CTTN: variants seen among roughly 807,000 people sequenced by gnomAD.
The protein encoded by CTTN is cortactin, also known as src substrate cortactin.
In CTTN, 28 loss-of-function variants were observed where a neutral mutation model predicts 84.0. That is an observed-to-expected ratio of 0.33 (90% CI 0.25 to 0.46). The LOEUF (loss-of-function observed/expected upper bound fraction) is 0.46. Among genes scored for constraint, CTTN ranks in the 20% least tolerant of loss-of-function variants. The pLI is 1.00. For missense variants in CTTN, 641 were observed against 723.8 expected (o/e 0.89, Z 1.31); for synonymous variants, 301 against 288.8 (o/e 1.04, Z -0.43).
intron 2 of CTTN, among the ~76,000 whole-genome samples, chr11:70,405,606 G>A (rs1404524592): frequency 1.3e-5 from 2 of 152,188 alleles, no homozygotes; most frequent in Non-Finnish European, 2.9e-5. Flanking sequence ...CCTCCCTGAG[G>A]GGAAATCTGG....
Position 70,424,360 on chromosome 11 carries a change from G to A in CTTN, c.958-972G>A, listed in dbSNP as rs11236248. Among the ~76,000 whole-genome samples, 393 of 152,252 alleles carry A rather than the reference G, an allele frequency of 2.6e-3. 3 individuals are homozygous for A. Among genetic ancestry groups the A allele is most frequent in the African/African-American group, 8.7e-3 (363 of 41,538 alleles). ...CGGTGACCGCTGAGCTTGTGAGCAC[G>A]TGAGGAGGCAGTGTGTGGGTGTGGC... On this transcript the variant is annotated intron_variant, in intron 12 of 17. Coordinates refer to ENST00000301843, the MANE Select transcript of CTTN (RefSeq NM_005231.4).
chr11:70,405,644 G>A (rs2058033591), intron 2 of CTTN, among the ~76,000 whole-genome samples: 1 of 152,186 alleles, frequency 6.6e-6, no homozygotes, highest in Admixed American at 6.5e-5. Context: ...GAACATGGGT[G>A]GGGCCCCCAG....
At chr11:70,433,884 C>T (rs1201885233) in intron 17 of CTTN, among the ~76,000 whole-genome samples, 166 bp downstream of exon 17, 1 of 152,144 alleles carries the variant, frequency 6.6e-6, no homozygotes, top group Non-Finnish European at 1.5e-5. Context: ...CAAGAACTCC[C>T]ATGTTCCCTA....
At chr11:70,421,603 A>G in intron 11 of CTTN, 23 bp downstream of exon 11, 1 of 1,558,928 alleles carries the variant, frequency 6.4e-7, no homozygotes, top group Non-Finnish European at 8.8e-7. Context: ...CCAGCCTCCT[A>G]CCCTCCCCCC....
intron 13 of CTTN, among the ~76,000 whole-genome samples, chr11:70,426,468 G>A (rs757831983): frequency 6.6e-6 from 1 of 151,960 alleles, no homozygotes; most frequent in Non-Finnish European, 1.5e-5. Flanking sequence ...TTTTGAGACC[G>A]GGTCTTGCTG....
chr11:70,407,484 G>A, intron 3 of CTTN, 34 bp from the exon 4 acceptor site: 2 of 1,613,694 alleles, frequency 1.2e-6, no homozygotes, highest in Non-Finnish European at 1.7e-6. Context: ...TCACAATCCA[G>A]GCTGTGAGAT....
intron 11 of CTTN, 154 bp from the exon 12 acceptor site, chr11:70,422,786 T>C: frequency 1.4e-6 from 2 of 1,480,140 alleles, no homozygotes; most frequent in Non-Finnish European, 9.0e-7. Flanking sequence ...GAAGCAAAAC[T>C]TGCCTTGCAA....
intron 1 of CTTN, among the ~76,000 whole-genome samples, chr11:70,400,245 G>C (rs1338485241): frequency 6.6e-6 from 1 of 152,150 alleles, no homozygotes; most frequent in Non-Finnish European, 1.5e-5. Context: ...AAGGTGAGAG[G>C]ATCGTTTGAG....
At position 70,435,188 on chromosome 11, in the gene CTTN, C is replaced by T. The variant is rs763150116; in HGVS notation, c.*26C>T. 122 of 1,581,244 alleles carry T rather than the reference C, an allele frequency of 7.7e-5. No individual in the cohort carries two copies. The highest frequency in any genetic ancestry group is 9.3e-5 in the Non-Finnish European group (108 of 1,166,924). On this transcript the variant is annotated 3_prime_UTR_variant, in exon 18 of 18. Transcript: ENST00000301843. ...GGCCCCCAGCCCCCCCCCGGAGCTGCGCCCTGGATCCTCACACTACAGATC... is the reference window on the plus strand; with the variant it reads ...GGCCCCCAGCCCCCCCCCGGAGCTGTGCCCTGGATCCTCACACTACAGATC...
At chr11:70,422,679 C>CGCCCCTCCT (rs946683954) in intron 11 of CTTN, 324 of 1,425,034 alleles carry the variant, frequency 2.3e-4, no homozygotes, top group Non-Finnish European at 2.5e-4. Context: ...TGCTGCCCGC[C>CGCCCCTCCT]GCCCCTCCTG....
In CTTN at chr11:70,420,403, A is replaced by T; in HGVS notation, c.683A>T (p.Tyr228Phe). The change falls in exon 10 of 18, where the codon TAT becomes TTT. Residue 228 changes from tyrosine to phenylalanine, a missense_variant. By Grantham distance (22) the Tyr-to-Phe change is conservative (BLOSUM62 3). Around this residue, in one of 3 missense-constraint regions of CTTN, gnomAD observed 284 missense variants for 348.4 expected, o/e 0.82. Transcript: ENST00000301843. ...TGGCCTTTCATTGTGCATGTAGACT[A>T]TGTGAAAGGGTTTGGAGGAAAATTT... ...KTEKHESQKD[Y>F]VKGFGGKFGV... The T allele has an allele frequency of 6.2e-7, 1 of 1,610,712 alleles. No homozygotes were observed.
At chr11:70,414,492 C>T (rs34053053) in intron 5 of CTTN, 50 bp from the exon 6 acceptor site, 172,232 of 1,350,526 alleles carry the variant, frequency 0.13, 12,193 homozygotes, top group Admixed American at 0.21. Context: ...GGAAGTGAAG[C>T]GCCGCAGTGT....
intron 1 of CTTN, among the ~76,000 whole-genome samples, chr11:70,402,279 CAG>C (rs1431584766): frequency 3.3e-5 from 5 of 152,214 alleles, no homozygotes; most frequent in Non-Finnish European, 5.9e-5. Context: ...TGAGGATGGA[CAG>C]AGTCATTATC....
chr11:70,415,244 CG>C (rs1409703020), intron 6 of CTTN, among the ~76,000 whole-genome samples: 1 of 152,178 alleles, frequency 6.6e-6, no homozygotes, highest in African/African-American at 2.4e-5. Context: ...ACCTATCTCA[CG>C]GGTGTTTGCT....
Position 70,426,785 on chromosome 11 carries a change from A to G in CTTN, c.1027+1384A>G, listed in dbSNP as rs183052067. Reference sequence around the variant, plus strand: ...TTTGTTGTTGTTGCTATTTTTTAGTAGAGACGGGGTTTCACCGTGTTAGCC... The same window carrying G: ...TTTGTTGTTGTTGCTATTTTTTAGTGGAGACGGGGTTTCACCGTGTTAGCC... On this transcript the variant is annotated intron_variant, in intron 13 of 17. Transcript: ENST00000301843. Among the ~76,000 whole-genome samples, 416 of 151,862 alleles carry G rather than the reference A, an allele frequency of 2.7e-3. 6 individuals are homozygous for G. The highest frequency in any genetic ancestry group is 9.5e-3 in the African/African-American group (393 of 41,494).
intron 11 of CTTN, chr11:70,421,916 A>G (rs989982538): frequency 3.5e-6 from 1 of 289,662 alleles, no homozygotes; most frequent in Non-Finnish European, 6.5e-6. Flanking sequence ...TTCTGCTGTT[A>G]TTGGTGACTG....
intron 8 of CTTN, 104 bp from the exon 9 acceptor site, chr11:70,419,642 G>A (rs1383024813): frequency 4.8e-6 from 4 of 830,670 alleles, no homozygotes; most frequent in Non-Finnish European, 5.9e-6. Context: ...TGGTCCTACA[G>A]TGGACCTGAA....
At position 70,420,611 on chromosome 11, in the gene CTTN, A is replaced by G. The variant is rs572645921; in HGVS notation, c.790+101A>G. 23 of 841,688 alleles carry G rather than the reference A, an allele frequency of 2.7e-5. No individual in the cohort carries two copies. The East Asian group carries it at 4.5e-4, about 17-fold the overall frequency. The allele number at this position is 841,688 out of a possible 1,614,324, so 52.1% of individuals were successfully genotyped here. ...TTGTGTCTGCGTGTGCCTGCTGCAC[A>G]TTGTTTTGTCTTCACTGTTTGAAGT... On this transcript the variant is annotated intron_variant, in intron 10 of 17. Coordinates refer to ENST00000301843, the MANE Select transcript of CTTN (RefSeq NM_005231.4).
At chr11:70,422,815 A>G (rs1396485769) in intron 11 of CTTN, 125 bp from the exon 12 acceptor site, 13 of 1,532,260 alleles carry the variant, frequency 8.5e-6, no homozygotes, top group African/African-American at 2.7e-5. Flanking sequence ...TCGCTTGGCC[A>G]TTCTCGTTTC....
Sources: allele counts gnomAD v4.1 joint callset (sites outside exome capture counted in the v4.1 genomes callset), GRCh38; gene constraint gnomAD v4.1.1; regional missense constraint gnomAD v4.1.1; transcripts MANE v1.5; gene names NCBI Gene and HGNC (gene_info 2026-07-23, HGNC 2026-07-21).